The following TTC39B variants were observed in gnomAD, a reference collection of about 807,000 sequenced individuals.
TTC39B encodes tetratricopeptide repeat domain 39B.
Under a neutral mutation model 96.6 loss-of-function variants are expected in TTC39B, and 92 were observed. That is an observed-to-expected ratio of 0.95 (90% CI 0.80 to 1.13). The LOEUF (loss-of-function observed/expected upper bound fraction) is 1.13. Among genes scored for constraint, TTC39B ranks in the 50% most tolerant of loss-of-function variants. TTC39B has a pLI of 0.00. For synonymous variants in TTC39B, 367 were observed against 299.4 expected (o/e 1.23, Z -2.33); for missense variants, 955 against 809.3 (o/e 1.18, Z -2.18).
chr9:15,262,035 C>T (rs1309950975), intron 2 of TTC39B, among the ~76,000 whole-genome samples: 1 of 152,110 alleles, frequency 6.6e-6, no homozygotes, highest in Non-Finnish European at 1.5e-5. Flanking sequence ...AGGTCACCTC[C>T]TTATGCCGAA....
intron 3 of TTC39B, among the ~76,000 whole-genome samples, chr9:15,223,659 A>G (rs7041937): frequency 0.39 from 59,127 of 152,116 alleles, 14,455 homozygotes; most frequent in African/African-American, 0.7. Context: ...TTTATTCTTC[A>G]ACACATGCAT....
chr9:15,185,280 C>T (rs894769202), exon 16 of TTC39B: 1 of 1,607,910 alleles, frequency 6.2e-7, no homozygotes, highest in African/African-American at 1.3e-5. Context: ...AAGCAGATAC[C>T]AGGGCAGGTA....
intron 18 of TTC39B, among the ~76,000 whole-genome samples, chr9:15,176,835 C>G (rs1159384766): frequency 1.3e-5 from 2 of 152,154 alleles, no homozygotes; most frequent in African/African-American, 4.8e-5. Context: ...ACATATCTGG[C>G]CCCTGTAAAT....
Position 15,177,901 on chromosome 9 carries a change from G to A in TTC39B, c.1724-87C>T, listed in dbSNP as rs541681795. On this transcript the variant is annotated intron_variant, in intron 17 of 19. Transcript: ENST00000512701. ...TTTTTTTTTTTTGAGACGGACTCTC[G>A]CTCTCTCACCCAGGCTGGAGTGCAG... 7.0e-5 allele frequency: 55 copies of A among 789,582 alleles called. No individual in the cohort carries two copies. In the Middle Eastern group the frequency reaches 1.4e-3, roughly 20 times the overall value. The allele number at this position is 789,582 out of a possible 1,614,324, so 48.9% of individuals were successfully genotyped here.
chr9:15,240,532 T>C (rs1282002216), intron 2 of TTC39B, among the ~76,000 whole-genome samples: 1 of 152,222 alleles, frequency 6.6e-6, no homozygotes, highest in Non-Finnish European at 1.5e-5. Flanking sequence ...AATGATAATG[T>C]ACCATTTTAA....
chr9:15,279,998 C>T lies in TTC39B; in HGVS notation c.241-12050G>A, dbSNP rs146849847. On this transcript the variant is annotated intron_variant, in intron 1 of 19. Coordinates refer to ENST00000512701, the Ensembl canonical transcript of TTC39B. ...GCAACCTCCACCCCCCGGGTTCAAGCGATTCTCCTGCCTCAGCCTCCCAAG... is the reference window on the plus strand; with the variant it reads ...GCAACCTCCACCCCCCGGGTTCAAGTGATTCTCCTGCCTCAGCCTCCCAAG... Among the ~76,000 whole-genome samples the T allele has an allele frequency of 6.0e-4, 89 of 148,988 alleles. No homozygotes were observed. The East Asian group carries it at 6.7e-3, about 11-fold the overall frequency.
At chr9:15,270,692 A>C (rs1823315784) in intron 1 of TTC39B, among the ~76,000 whole-genome samples, 1 of 151,924 alleles carries the variant, frequency 6.6e-6, no homozygotes, top group African/African-American at 2.4e-5. Flanking sequence ...AGGTAGAAGG[A>C]TGGCTTGAGT....
rs1564299812 is a variant in TTC39B, at chr9:15,167,009, TATATATATA to T, written c.*5001_*5009del. On this transcript the variant is annotated 3_prime_UTR_variant, in exon 20 of 20. Coordinates refer to ENST00000512701, the Ensembl canonical transcript of TTC39B. ...ATATATATATATATATATATATATATATATATATATATATATATATTTTTTTTTTTTTTT... is the reference window on the plus strand; with the variant it reads ...ATATATATATATATATATATATATATTATATATATATTTTTTTTTTTTTTT... 4.5e-3 allele frequency: 34 copies of T among 7,608 alleles called. 1 individual carries two copies. The highest frequency in any genetic ancestry group is 6.6e-3 in the Non-Finnish European group (27 of 4,080). The allele number at this position is 7,608 out of a possible 1,614,324, so 0.5% of individuals were successfully genotyped here.
intron 10 of TTC39B, 150 bp downstream of exon 10, chr9:15,191,040 A>T (rs2118793994): frequency 1.5e-6 from 1 of 654,402 alleles, no homozygotes; most frequent in Non-Finnish European, 2.7e-6. Context: ...CCTGAAAAAC[A>T]TGATCAAGAA....
intron 6 of TTC39B, among the ~76,000 whole-genome samples, chr9:15,204,212 C>A (rs1819710093): frequency 1.3e-5 from 2 of 152,186 alleles, no homozygotes; most frequent in Non-Finnish European, 2.9e-5. Context: ...AAGGAAACCA[C>A]TTATTTTTTA....
chr9:15,299,998 C>T (rs1824527707), intron 1 of TTC39B, among the ~76,000 whole-genome samples: 1 of 152,184 alleles, frequency 6.6e-6, no homozygotes, highest in Non-Finnish European at 1.5e-5. Context: ...TTGAACATTT[C>T]AGGAAACATT....
intron 14 of TTC39B, among the ~76,000 whole-genome samples, chr9:15,187,372 A>G (rs1818589038): frequency 6.6e-6 from 1 of 152,194 alleles, no homozygotes; most frequent in Admixed American, 6.5e-5. Flanking sequence ...AGGGCACTGG[A>G]AAGTCTACAC....
chr9:15,230,242 C>G (rs1322019169), intron 2 of TTC39B, among the ~76,000 whole-genome samples: 1 of 152,156 alleles, frequency 6.6e-6, no homozygotes, highest in South Asian at 2.1e-4. Context: ...TTTATTCAGA[C>G]CTAATTCACA....
intron 2 of TTC39B, among the ~76,000 whole-genome samples, chr9:15,256,623 G>C (rs530970944): frequency 1.3e-5 from 2 of 152,314 alleles, no homozygotes; most frequent in African/African-American, 4.8e-5. Flanking sequence ...CAAACAAGAT[G>C]CCAAGACAGA....
At chr9:15,287,183 C>A (rs192349906) in intron 1 of TTC39B, among the ~76,000 whole-genome samples, 1 of 152,232 alleles carries the variant, frequency 6.6e-6, no homozygotes, top group Admixed American at 6.5e-5. Context: ...GCTCTAAATG[C>A]TTGGAGGGGA....
chr9:15,199,867 ATTTGG>A lies in TTC39B; in HGVS notation c.813_817del (p.Gln272IlefsTer2), dbSNP rs1461341355. ...ATCTTACTTTTTAACTTACTTATAT[ATTTGG>A]TAACTTGTTCTAATTTTGAGTCCAC... On this transcript the variant is annotated frameshift_variant, in exon 8 of 20. Transcript: ENST00000512701. LOFTEE classifies it high-confidence loss of function. 6.6e-7 allele frequency: 1 copy of A among 1,513,760 alleles called. No homozygotes were observed. 93.8% of individuals were successfully genotyped at this position (1,513,760 alleles called of 1,614,324 possible).
At chr9:15,195,171 A>T (rs1819083132) in intron 8 of TTC39B, among the ~76,000 whole-genome samples, 1 of 152,248 alleles carries the variant, frequency 6.6e-6, no homozygotes, top group Non-Finnish European at 1.5e-5. Flanking sequence ...AAAACAAAAC[A>T]GCCCTGTTGC....
intron 2 of TTC39B, among the ~76,000 whole-genome samples, chr9:15,233,084 G>A (rs189489491): frequency 1.3e-5 from 2 of 152,134 alleles, no homozygotes; most frequent in South Asian, 4.2e-4. Context: ...ACACCCAGCC[G>A]GGCAGTTGGA....
intron 9 of TTC39B, among the ~76,000 whole-genome samples, chr9:15,191,747 C>G (rs940892394): frequency 6.6e-6 from 1 of 152,016 alleles, no homozygotes. Flanking sequence ...TGGTTATGCA[C>G]TATGCTTGAA....
Sources: gnomAD v4.1 joint callset for allele counts (sites outside exome capture counted in the v4.1 genomes callset) on GRCh38, gnomAD v4.1.1 for gene constraint, MANE v1.5 for transcripts, NCBI Gene and HGNC (gene_info 2026-07-23, HGNC 2026-07-21) for gene names.